The following N4BP2L1 variants were observed in gnomAD, a reference collection of about 807,000 sequenced individuals.
The protein encoded by N4BP2L1 is NEDD4 binding protein 2 like 1.
A neutral mutation model predicts 21.2 loss-of-function variants in N4BP2L1; 12 were observed. The observed-to-expected ratio is 0.57, with a 90% CI of 0.36 to 0.92. The LOEUF (loss-of-function observed/expected upper bound fraction) is 0.92, where lower values mean the gene tolerates loss of function less well. Ranked by LOEUF, N4BP2L1 falls within the 40% of genes least tolerant of loss-of-function variation. N4BP2L1 has a pLI of 0.01. For missense variants in N4BP2L1, 259 were observed against 310.6 expected (o/e 0.83, Z 1.25); for synonymous variants, 104 against 112.8 (o/e 0.92, Z 0.49).
intron 1 of N4BP2L1, among the ~76,000 whole-genome samples, chr13:32,421,334 G>T (rs2074465505): frequency 6.6e-6 from 1 of 152,218 alleles, no homozygotes. Flanking sequence ...ATGGTAGCAT[G>T]AAAGTCCCTT....
At position 32,421,661 on chromosome 13, in the gene N4BP2L1, G is replaced by A. The variant is rs2074485334; in HGVS notation, c.179+6243C>T. ...CGGGCAGACAGTCAGCAGTAACCAT[G>A]TGCTGGCTTTTCTTTCCCCATTTCT... is the stretch of plus-strand genomic sequence containing the variant. On this transcript the variant is annotated intron_variant, in intron 1 of 4. Transcript: ENST00000380130. Among the ~76,000 whole-genome samples, 14 of 152,280 alleles carry A rather than the reference G, an allele frequency of 9.2e-5. No individual in the cohort carries two copies. The South Asian group carries it at 2.7e-3, about 29-fold the overall frequency.
chr13:32,425,069 A>G (rs945284410), intron 1 of N4BP2L1: 12 of 152,254 alleles, frequency 7.9e-5, no homozygotes, highest in Admixed American at 2.0e-4. Context: ...TTCGTTATAG[A>G]AAATTTGGAA....
chr13:32,407,384 A>G, intron 2 of N4BP2L1, 46 bp from the exon 3 acceptor site: 17 of 1,613,764 alleles, frequency 1.1e-5, no homozygotes, highest in South Asian at 8.8e-5. Context: ...CAACAATCAG[A>G]GGGAAGGTGA....
At chr13:32,421,979 T>G (rs962336952) in intron 1 of N4BP2L1, among the ~76,000 whole-genome samples, 1 of 152,162 alleles carries the variant, frequency 6.6e-6, no homozygotes, top group African/African-American at 2.4e-5. Flanking sequence ...TATCCTAACA[T>G]GTGAGCAGAT....
At chr13:32,406,511 C>T (rs2073517790) in intron 3 of N4BP2L1, 3 of 151,854 alleles carry the variant, frequency 2.0e-5, no homozygotes, top group Admixed American at 2.0e-4. Flanking sequence ...CTCTTGTCAC[C>T]CAGGCTGGAG....
chr13:32,427,986 TCCCCCG>T lies in N4BP2L1; in HGVS notation c.91_96del (p.Arg31_Gly32del). ...CTAAAGCTGTGGCGGCGAGGAGGTG[TCCCCCG>T]CGGGGGCGGCCGGGGCGGCCGCTGC... On this transcript the variant is annotated inframe_deletion, in exon 1 of 5. Transcript: ENST00000380130. 1 of 1,553,298 alleles carries T rather than the reference TCCCCCG, an allele frequency of 6.4e-7. No individual in the cohort carries two copies.
At chr13:32,429,216 C>G (rs2074930475), upstream of N4BP2L1, among the ~76,000 whole-genome samples, 1 of 152,218 alleles carries the variant, frequency 6.6e-6, no homozygotes, top group African/African-American at 2.4e-5. Flanking sequence ...AAGGGACTAT[C>G]CAAGTGGGGA....
chr13:32,401,848 A>T lies in N4BP2L1; in HGVS notation c.*1094T>A. On this transcript the variant is annotated 3_prime_UTR_variant, in exon 5 of 5. Coordinates refer to ENST00000380130, the MANE Select transcript of N4BP2L1 (RefSeq NM_052818.3). Reference sequence around the variant, plus strand: ...GCTGTTGGCCAACAAGAAATAGAGCATACGTCCTCTGTGGTCTTGTCTATC... The same window carrying T: ...GCTGTTGGCCAACAAGAAATAGAGCTTACGTCCTCTGTGGTCTTGTCTATC... 3.6e-6 allele frequency: 3 copies of T among 826,242 alleles called. No individual in the cohort carries two copies. Among genetic ancestry groups the T allele is most frequent in the Non-Finnish European group, 4.4e-6 (3 of 684,124 alleles). 51.2% of individuals were successfully genotyped at this position (826,242 alleles called of 1,614,324 possible).
intron 3 of N4BP2L1, among the ~76,000 whole-genome samples, chr13:32,404,918 C>T (rs555006380): frequency 3.3e-5 from 5 of 152,122 alleles, no homozygotes; most frequent in Admixed American, 2.0e-4. Context: ...ATGCTCTGGG[C>T]CCCATTTCCT....
Position 32,407,716 on chromosome 13 carries a change from A to G in N4BP2L1, c.236T>C (p.Phe79Ser). Residue 79 changes from phenylalanine to serine, a missense_variant, in exon 2 of 5, where the codon TTC (phenylalanine) becomes TCC (serine). Coordinates refer to ENST00000380130, the MANE Select transcript of N4BP2L1 (RefSeq NM_052818.3). ...GAACTCATAGGCACCATCTTCCCTG[A>G]AGAAAAAATCATCCGTGCTGAAAAT... is the stretch of plus-strand genomic sequence containing the variant. Reference protein sequence around the residue: ...ALIFSTDDFFFREDGAYEFNP... With the variant: ...ALIFSTDDFFSREDGAYEFNP... The G allele has an allele frequency of 6.2e-7, 1 of 1,609,970 alleles. No individual in the cohort carries two copies. The highest frequency in any genetic ancestry group is 8.5e-7 in the Non-Finnish European group (1 of 1,178,472).
rs2073228724 is a variant in N4BP2L1, at chr13:32,402,908, T to G, written c.*34A>C. ...AACAAAAACTGAAGTAGAAACTGACTTAGGAAAATTCTGCCTGGCTGTAAG... is the reference window on the plus strand; with the variant it reads ...AACAAAAACTGAAGTAGAAACTGACGTAGGAAAATTCTGCCTGGCTGTAAG... On this transcript the variant is annotated 3_prime_UTR_variant, in exon 5 of 5. Transcript: ENST00000380130. The G allele has an allele frequency of 6.6e-7, 1 of 1,521,964 alleles. No individual in the cohort carries two copies. The highest frequency in any genetic ancestry group is 2.3e-5 in the East Asian group (1 of 43,380). 94.3% of individuals were successfully genotyped at this position (1,521,964 alleles called of 1,614,324 possible). A position where few individuals can be genotyped will look rare whatever the true frequency, so the allele number is the denominator to read the frequency against.
intron 1 of N4BP2L1, among the ~76,000 whole-genome samples, chr13:32,411,053 T>TA (rs2073830669): frequency 6.6e-6 from 1 of 152,238 alleles, no homozygotes. Flanking sequence ...ATATTTCCTT[T>TA]AAAAAGACTT....
intron 1 of N4BP2L1, chr13:32,411,592 C>T (rs2073863915): frequency 1.0e-6 from 1 of 984,792 alleles, no homozygotes; most frequent in Admixed American, 6.2e-5. Flanking sequence ...TGGTCAGGAG[C>T]CTCATGCATT....
intron 1 of N4BP2L1, chr13:32,411,759 T>G (rs2073875991): frequency 1.0e-6 from 1 of 980,072 alleles, no homozygotes. Context: ...TATTCTTTTG[T>G]GTAATTCTTT....
intron 1 of N4BP2L1, among the ~76,000 whole-genome samples, chr13:32,415,390 T>A (rs1193418445): frequency 1.3e-5 from 2 of 152,206 alleles, no homozygotes; most frequent in African/African-American, 4.8e-5. Context: ...TATCTAGATA[T>A]TTAATTTATT....
At chr13:32,403,289 C>T (rs2137709663) in intron 4 of N4BP2L1, 89 bp from the exon 5 acceptor site, 1 of 1,355,338 alleles carries the variant, frequency 7.4e-7, no homozygotes, top group East Asian at 2.3e-5. Context: ...GCAGATATTG[C>T]AGTCCCTGTT....
intron 1 of N4BP2L1, among the ~76,000 whole-genome samples, chr13:32,413,208 G>A (rs2073955332): frequency 1.3e-5 from 2 of 152,174 alleles, no homozygotes; most frequent in South Asian, 4.1e-4. Flanking sequence ...TTACAGGCAT[G>A]AGCCACCTCT....
chr13:32,406,152 A>G (rs1018900395), intron 3 of N4BP2L1, among the ~76,000 whole-genome samples: 2 of 148,118 alleles, frequency 1.4e-5, no homozygotes, highest in African/African-American at 2.5e-5. Flanking sequence ...CTCGTGATCC[A>G]CCCGCCTCAG....
rs748884668 is a variant in N4BP2L1 at position 32,428,018 on chromosome 13, C to CGCTGCT, written c.59_64dup (p.Gln20_Gln21dup). On this transcript the variant is annotated inframe_insertion, in exon 1 of 5. Coordinates refer to ENST00000380130, the MANE Select transcript of N4BP2L1 (RefSeq NM_052818.3). Reference sequence around the variant, plus strand: ...CGGGGGCGGCCGGGGCGGCCGCTGCCGCTGCTGCTGCTGCTGGGGCTGGAG... The same window carrying CGCTGCT: ...CGGGGGCGGCCGGGGCGGCCGCTGCCGCTGCTGCTGCTGCTGCTGCTGGGGCTGGAG... 72 of 1,559,146 alleles carry CGCTGCT rather than the reference C, an allele frequency of 4.6e-5. No homozygotes were observed. The highest frequency in any genetic ancestry group is 5.8e-5 in the South Asian group (5 of 86,322).
Sources: gnomAD v4.1 joint callset for allele counts (sites outside exome capture counted in the v4.1 genomes callset) on GRCh38, gnomAD v4.1.1 for gene constraint, MANE v1.5 for transcripts, NCBI Gene and HGNC (gene_info 2026-07-23, HGNC 2026-07-21) for gene names.